The following SESTD1 variants were observed in gnomAD, a reference collection of about 807,000 sequenced individuals.
SESTD1 encodes the protein SEC14 and spectrin domain containing 1.
In SESTD1, 43 loss-of-function variants were observed where a neutral mutation model predicts 101.7. That is an observed-to-expected ratio of 0.42 (90% confidence interval 0.33 to 0.55). The LOEUF is 0.55. Among genes scored for constraint, SESTD1 ranks in the 20% least tolerant of loss-of-function variants. SESTD1 has a pLI of 0.07. For synonymous variants in SESTD1, 283 were observed against 286.8 expected, an observed-to-expected ratio of 0.99 and a Z score of 0.13; for missense variants, 647 against 815.1, an observed-to-expected ratio of 0.79 and a Z score of 2.51.
At chr2:179,150,637 T>C (rs901050129) in intron 6 of SESTD1, among the ~76,000 whole-genome samples, 7 of 151,908 alleles carry the variant, frequency 4.6e-5, no homozygotes, top group African/African-American at 1.7e-4. Context: ...CTGACCAACA[T>C]GGTGAAACCC....
At chr2:179,254,398 T>G (rs2047363345) in intron 1 of SESTD1, among the ~76,000 whole-genome samples, 1 of 152,192 alleles carries the variant, frequency 6.6e-6, no homozygotes, top group African/African-American at 2.4e-5. Flanking sequence ...TGACTGCTAA[T>G]TCCAAAGAGT....
rs537037949 is a variant in SESTD1 at position 179,101,796 on chromosome 2, A to G, written c.*8103T>C. ...CAATGAAGCATCTAATGGAAAACCT[A>G]GAGATGGATGGATACTCTAACATGT... On this transcript the variant is annotated 3_prime_UTR_variant, in exon 18 of 18. Coordinates refer to ENST00000428443, the MANE Select transcript of SESTD1 (RefSeq NM_178123.5). The G allele has an allele frequency of 3.9e-5, 6 of 152,326 alleles. No individual in the cohort carries two copies. Among genetic ancestry groups the G allele is most frequent in the Admixed American group, 2.6e-4 (4 of 15,284 alleles). The allele number at this position is 152,326 out of a possible 1,614,324, so 9.4% of individuals were successfully genotyped here.
intron 5 of SESTD1, among the ~76,000 whole-genome samples, chr2:179,158,193 C>A (rs1398792773): frequency 6.6e-6 from 1 of 152,102 alleles, no homozygotes; most frequent in East Asian, 1.9e-4. Flanking sequence ...TTGAAGAAGC[C>A]ACCTTCATTA....
chr2:179,238,794 T>C (rs891511931), intron 1 of SESTD1, among the ~76,000 whole-genome samples: 39 of 152,292 alleles, frequency 2.6e-4, no homozygotes, highest in African/African-American at 6.5e-4. Context: ...ACAAAGTTAA[T>C]TGAATTCTTA....
At chr2:179,234,044 TA>T (rs947786398) in intron 1 of SESTD1, among the ~76,000 whole-genome samples, 2 of 152,184 alleles carry the variant, frequency 1.3e-5, no homozygotes, top group Non-Finnish European at 2.9e-5. Flanking sequence ...ACTGGTAGAG[TA>T]AATCAGTTTG....
intron 9 of SESTD1, among the ~76,000 whole-genome samples, chr2:179,141,858 C>CT (rs2045283108): frequency 6.6e-6 from 1 of 151,974 alleles, no homozygotes; most frequent in African/African-American, 2.4e-5. Context: ...AAAACAAACC[C>CT]TTTAACTTAT....
chr2:179,211,162 G>A (rs1420991961), intron 1 of SESTD1, among the ~76,000 whole-genome samples: 3 of 132,466 alleles, frequency 2.3e-5, no homozygotes, highest in African/African-American at 9.0e-5. Context: ...AGAAATCATA[G>A]ACACAAACAA....
chr2:179,174,237 C>T (rs910648076), intron 4 of SESTD1, among the ~76,000 whole-genome samples: 17 of 152,182 alleles, frequency 1.1e-4, no homozygotes, highest in Middle Eastern at 6.8e-3. Flanking sequence ...CCAGTACCTT[C>T]GGAGATGAAA....
intron 1 of SESTD1, among the ~76,000 whole-genome samples, chr2:179,232,364 G>A (rs1379372927): frequency 6.6e-6 from 1 of 151,834 alleles, no homozygotes; most frequent in Admixed American, 6.5e-5. Context: ...CTAAAACAGA[G>A]ACTAGAAATA....
At chr2:179,183,952 A>C (rs951296836) in intron 2 of SESTD1, among the ~76,000 whole-genome samples, 1 of 152,056 alleles carries the variant, frequency 6.6e-6, no homozygotes, top group Non-Finnish European at 1.5e-5. Flanking sequence ...TTGTAAACCA[A>C]GTCAAAAGAG....
At chr2:179,216,136 G>A (rs910875206) in intron 1 of SESTD1, among the ~76,000 whole-genome samples, 6 of 134,984 alleles carry the variant, frequency 4.4e-5, no homozygotes, top group African/African-American at 1.5e-4. Context: ...GTTCTGGCCA[G>A]GGCAATTAGG....
intron 4 of SESTD1, among the ~76,000 whole-genome samples, chr2:179,174,630 C>T (rs192512611): frequency 2.6e-5 from 4 of 152,164 alleles, no homozygotes; most frequent in African/African-American, 7.2e-5. Context: ...TATTTTAGGA[C>T]ACCAATTTGT....
chr2:179,127,789 C>G (rs895133770), intron 10 of SESTD1, among the ~76,000 whole-genome samples: 1 of 152,124 alleles, frequency 6.6e-6, no homozygotes. Context: ...AACTCAATAA[C>G]AAGCATAGAA....
At chr2:179,126,861 T>C (rs1440469743) in intron 10 of SESTD1, among the ~76,000 whole-genome samples, 1 of 152,126 alleles carries the variant, frequency 6.6e-6, no homozygotes, top group Non-Finnish European at 1.5e-5. Context: ...CCTGATTCTT[T>C]CATCAGCAAG....
intron 1 of SESTD1, among the ~76,000 whole-genome samples, chr2:179,201,996 G>A (rs1201300048): frequency 7.7e-6 from 1 of 130,006 alleles, no homozygotes; most frequent in Non-Finnish European, 1.6e-5. Flanking sequence ...CAAAGTCCAA[G>A]CATGTCAAAA....
In SESTD1 at chr2:179,107,548, T is replaced by C. The variant is rs1176644414; in HGVS notation, c.*2351A>G. 2.0e-5 allele frequency: 3 copies of C among 152,164 alleles called. No individual in the cohort carries two copies. The highest frequency in any genetic ancestry group is 4.4e-5 in the Non-Finnish European group (3 of 68,004). 9.4% of individuals were successfully genotyped at this position (152,164 alleles called of 1,614,324 possible). ...TTCAGAAGAAACAGATATTGAGTAT[T>C]GATATTTAGTTATTGAGTATAACTA... is the stretch of plus-strand genomic sequence containing the variant. On this transcript the variant is annotated 3_prime_UTR_variant, in exon 18 of 18. Transcript: ENST00000428443.
chr2:179,258,177 C>T (rs578112105), intron 1 of SESTD1, among the ~76,000 whole-genome samples: 1 of 152,288 alleles, frequency 6.6e-6, no homozygotes, highest in Non-Finnish European at 1.5e-5. Context: ...AAAGATGCAA[C>T]GTCAGTGAGA....
chr2:179,178,284 A>G (rs2046046250), intron 3 of SESTD1, among the ~76,000 whole-genome samples: 1 of 152,160 alleles, frequency 6.6e-6, no homozygotes, highest in South Asian at 2.1e-4. Context: ...GGGAAAAACT[A>G]AAGGTAAGGC....
intron 15 of SESTD1, 74 bp downstream of exon 15, chr2:179,116,594 A>G: frequency 1.9e-6 from 3 of 1,608,094 alleles, no homozygotes; most frequent in Middle Eastern, 3.3e-4. Context: ...TTGGAAGGTA[A>G]AGTTACATTA....
Sources: allele counts gnomAD v4.1 joint callset (sites outside exome capture counted in the v4.1 genomes callset), GRCh38; gene constraint gnomAD v4.1.1; transcripts MANE v1.5; gene names NCBI Gene and HGNC (gene_info 2026-07-23, HGNC 2026-07-21).